Variants in PLEKHG2 observed in about 807,000 individuals in gnomAD.
PLEKHG2 encodes pleckstrin homology and RhoGEF domain containing G2.
PLEKHG2 carries 71 observed loss-of-function variants against 104.4 expected under a neutral mutation model. That is an observed-to-expected ratio of 0.68 (90% CI 0.56 to 0.83). PLEKHG2 has a LOEUF of 0.83. Among genes scored for constraint, PLEKHG2 ranks in the 40% least tolerant of loss-of-function variants. PLEKHG2 has a pLI of 0.00. For synonymous variants in PLEKHG2, 728 were observed against 737.0 expected (o/e 0.99, Z 0.20); for missense variants, 1,730 against 1,809.4 (o/e 0.96, Z 0.80).
rs1174653452 is a variant in PLEKHG2, at chr19:39,421,971, G to A, written c.1504-144G>A. ...GGCGGAGATTGCAGTGAGCAGAGAT[G>A]GCGCCATTGCACTGCAGGCTGGGCG... On this transcript the variant is annotated intron_variant, in intron 16 of 18. Transcript: ENST00000425673. 10 of 783,942 alleles carry A rather than the reference G, an allele frequency of 1.3e-5. No individual in the cohort carries two copies. The African/African-American group carries it at 1.3e-4, about 10-fold the overall frequency. 48.6% of individuals were successfully genotyped at this position (783,942 alleles called of 1,614,324 possible).
At position 39,418,748 on chromosome 19, in the gene PLEKHG2, C is replaced by T. The variant is rs1441756385; in HGVS notation, c.1098C>T (p.Ser366=). Reference sequence around the variant, plus strand: ...TTTCCTTCCAGTGCTGCAACCTGAGCGTGAGCGAGAGTCCCCGAGACCCTC... The same window carrying T: ...TTTCCTTCCAGTGCTGCAACCTGAGTGTGAGCGAGAGTCCCCGAGACCCTC... The part of the protein sequence containing the change: ...YKGHIFCCNL[S]VSESPRDPLG... The change falls in exon 10 of 19, where the codon AGC becomes AGT. Residue 366 remains serine (S), a synonymous_variant. Transcript: ENST00000425673. The T allele has an allele frequency of 1.1e-5, 18 of 1,612,580 alleles. No homozygotes were observed. The highest frequency in any genetic ancestry group is 3.3e-4 in the Middle Eastern group (2 of 6,080).
chr19:39,425,143 C>T lies in PLEKHG2; in HGVS notation c.4010C>T (p.Thr1337Met), dbSNP rs965020007. Reference sequence around the variant, plus strand: ...CCAGCCAGGCGGCTCAGCTATGCCACGACGGTTAACATCCACGTGGGCGGG... The same window carrying T: ...CCAGCCAGGCGGCTCAGCTATGCCATGACGGTTAACATCCACGTGGGCGGG... ...PPPARRLSYATTVNIHVGGGG... is the reference protein window; with the variant it reads ...PPPARRLSYAMTVNIHVGGGG... Residue 1337 changes from threonine to methionine, a missense_variant, in exon 19 of 19, where the codon ACG (threonine) becomes ATG (methionine). Transcript: ENST00000425673. The T allele has an allele frequency of 2.5e-6, 4 of 1,590,308 alleles. No homozygotes were observed. The highest frequency in any genetic ancestry group is 2.7e-5 in the African/African-American group (2 of 74,114).
At position 39,418,021 on chromosome 19, in the gene PLEKHG2, T is replaced by A; in HGVS notation, c.999T>A (p.Gly333=). The A allele has an allele frequency of 6.4e-7, 1 of 1,558,736 alleles. No individual in the cohort carries two copies. The highest frequency in any genetic ancestry group is 1.2e-5 in the South Asian group (1 of 83,242). ...GGGGGPRLRG[G]ERLLFLFSRM... ...GGGGTGGCCCCCGGCTACGAGGGGG[T>A]GAGCGGCTGCTCTTCCTGTTCTCTC... The change falls in exon 9 of 19, where the codon GGT becomes GGA. Residue 333 remains glycine, a synonymous_variant. Coordinates refer to ENST00000425673, the MANE Select transcript of PLEKHG2 (RefSeq NM_022835.3).
In PLEKHG2 at chr19:39,424,552, T is replaced by C; in HGVS notation, c.3419T>C (p.Val1140Ala). 3 of 1,613,998 alleles carry C rather than the reference T, an allele frequency of 1.9e-6. No homozygotes were observed. Among genetic ancestry groups the C allele is most frequent in the Non-Finnish European group, 2.5e-6 (3 of 1,179,966 alleles). ...TCCCAGGAGCTCCCAGACACTCAGG[T>C]TCCAGCTACCACACCTTTGCCCCTG... ...SLSQELPDTQVPATTPLPLPQ... is the reference protein window; with the variant it reads ...SLSQELPDTQAPATTPLPLPQ... Residue 1140 changes from valine (V) to alanine (A), a missense_variant, in exon 19 of 19, where the codon GTT becomes GCT. By Grantham distance (64) the Val-to-Ala change is moderately conservative. Transcript: ENST00000425673.
rs745320615 is a variant in PLEKHG2, at chr19:39,425,298, A to T, written c.*4A>T. ...TGATGCCCCCTTCCACATGTGAGCC[A>T]GGACATGAGGCTTCCCTGAAGCAAG... On this transcript the variant is annotated 3_prime_UTR_variant, in exon 19 of 19. Transcript: ENST00000425673. 6 of 1,598,166 alleles carry T rather than the reference A, an allele frequency of 3.8e-6. No individual in the cohort carries two copies. Among genetic ancestry groups the T allele is most frequent in the Non-Finnish European group, 5.1e-6 (6 of 1,175,664 alleles).
Position 39,421,068 on chromosome 19 carries a change from C to T in PLEKHG2, c.1448-7C>T. ...GGGCTCCTGACATCACTGTGTCCTC[C>T]CCGCAGAGCCGGTGAAGGACCCTTA... On this transcript the variant is annotated splice_polypyrimidine_tract_variant and splice_region_variant and intron_variant, in intron 14 of 18. Transcript: ENST00000425673. 1 of 1,614,038 alleles carries T rather than the reference C, an allele frequency of 6.2e-7. No homozygotes were observed. Among genetic ancestry groups the T allele is most frequent in the Non-Finnish European group, 8.5e-7 (1 of 1,180,018 alleles).
chr19:39,418,890 CCT>C (rs756939677), intron 10 of PLEKHG2, 25 bp from the exon 11 acceptor site: 1 of 1,601,770 alleles, frequency 6.2e-7, no homozygotes, highest in Non-Finnish European at 8.5e-7. Context: ...CACCTGGCCC[CCT>C]GACTCTACTC....
In PLEKHG2 at chr19:39,425,432, G is replaced by A. The variant is rs575160293; in HGVS notation, c.*138G>A. On this transcript the variant is annotated 3_prime_UTR_variant, in exon 19 of 19. Coordinates refer to ENST00000425673, the MANE Select transcript of PLEKHG2 (RefSeq NM_022835.3). ...TCCAACTCCTGGTATCTGCATCGGC[G>A]AATGGCCCTTCTTGCCTTGATCCAC... 68 of 1,356,298 alleles carry A rather than the reference G, an allele frequency of 5.0e-5. No homozygotes were observed. Among genetic ancestry groups the A allele is most frequent in the Admixed American group, 2.4e-4 (8 of 32,758 alleles). 84.0% of individuals were successfully genotyped at this position (1,356,298 alleles called of 1,614,324 possible).
At chr19:39,420,203 C>T (rs1353891811) in intron 11 of PLEKHG2, among the ~76,000 whole-genome samples, 2 of 151,908 alleles carry the variant, frequency 1.3e-5, no homozygotes, top group East Asian at 1.9e-4. Flanking sequence ...CTACTAAAAA[C>T]ACAAAAATTA....
Position 39,415,429 on chromosome 19 carries a change from G to T in PLEKHG2, c.469G>T (p.Glu157Ter). Reference protein sequence around the residue: ...TLFANIEDIYEFSSELLEDLE... With the variant: ...TLFANIEDIY ...GTTTGCCAACATTGAGGACATCTAC[G>T]AGTTCAGCAGGTCAGGGGCAGGGGG... The change falls in exon 4 of 19, where the codon GAG becomes TAG. Residue 157 changes from glutamate to a stop codon, truncating the protein, a stop_gained. Transcript: ENST00000425673. LOFTEE classifies it high-confidence loss of function. The surrounding 1 kb of genome is among the most constrained non-coding windows in gnomAD (Gnocchi z 4.6). 1 of 1,614,054 alleles carries T rather than the reference G, an allele frequency of 6.2e-7. No individual in the cohort carries two copies. The highest frequency in any genetic ancestry group is 8.5e-7 in the Non-Finnish European group (1 of 1,179,998).
Position 39,417,520 on chromosome 19 carries a change from T to C in PLEKHG2, c.745-35T>C, listed in dbSNP as rs1263522952. 18 of 1,606,484 alleles carry C rather than the reference T, an allele frequency of 1.1e-5. No homozygotes were observed. In the East Asian group the frequency reaches 4.0e-4, roughly 36 times the overall value. On this transcript the variant is annotated intron_variant, in intron 7 of 18. Transcript: ENST00000425673. ...TTCTCTTTCTCCTTCTCTGTTTCTC[T>C]CCCCATCCCTGCGTGCCTGGTGGCT...
Position 39,423,500 on chromosome 19 carries a change from C to G in PLEKHG2, c.2446C>G (p.Arg816Gly), listed in dbSNP as rs2078733001. The change falls in exon 18 of 19, where the codon CGA (arginine) becomes GGA (glycine). Residue 816 changes from arginine to glycine, a missense_variant. Transcript: ENST00000425673. Reference sequence around the variant, plus strand: ...CCCGAGTTCAGAAAGGACGGCGTCCCGAGTGCGAGAGCTGGCCCGGCTTTA... The same window carrying G: ...CCCGAGTTCAGAAAGGACGGCGTCCGGAGTGCGAGAGCTGGCCCGGCTTTA... ...GAPSSERTAS[R>G]VRELARLYSE... 18 of 1,582,776 alleles carry G rather than the reference C, an allele frequency of 1.1e-5. No homozygotes were observed. The highest frequency in any genetic ancestry group is 1.5e-5 in the Non-Finnish European group (18 of 1,162,724).
rs369043027 is a variant in PLEKHG2 at position 39,414,353 on chromosome 19, G to A, written c.109+158G>A. The A allele has an allele frequency of 1.2e-3, 777 of 674,718 alleles. 13 individuals carry two copies. The South Asian group carries it at 0.013, about 12-fold the overall frequency. 41.8% of individuals were successfully genotyped at this position (674,718 alleles called of 1,614,324 possible). On this transcript the variant is annotated intron_variant, in intron 2 of 18. Coordinates refer to ENST00000425673, the MANE Select transcript of PLEKHG2 (RefSeq NM_022835.3). Reference sequence around the variant, plus strand: ...TCCCCAGGCAATGACAGGCCAGAGGGGGCAGCGCTGGGCAGAGTGGTCAGG... The same window carrying A: ...TCCCCAGGCAATGACAGGCCAGAGGAGGCAGCGCTGGGCAGAGTGGTCAGG...
chr19:39,423,149 C>G lies in PLEKHG2; in HGVS notation c.2095C>G (p.Leu699Val). The change falls in exon 18 of 19, where the codon CTG (leucine) becomes GTG (valine). Residue 699 changes from leucine to valine, a missense_variant. Transcript: ENST00000425673. ...CTGTGACTCCTGGCTCCAAGGGCCT[C>G]TGCAGGAACCAGCTGAGGCTCCAGC... is the stretch of plus-strand genomic sequence containing the variant. ...LSCDSWLQGP[L>V]QEPAEAPATR... 6.2e-7 allele frequency: 1 copy of G among 1,613,648 alleles called. No homozygotes were observed. The highest frequency in any genetic ancestry group is 1.1e-5 in the South Asian group (1 of 91,064).
At position 39,412,758 on chromosome 19, in the gene PLEKHG2, T is replaced by C. The variant is rs2078540651; in HGVS notation, c.-677T>C. Reference sequence around the variant, plus strand: ...AGGCTCGGACCCGGGCGTCCGGAATTTCTGCACCGCATCCTGAGAGACCCC... The same window carrying C: ...AGGCTCGGACCCGGGCGTCCGGAATCTCTGCACCGCATCCTGAGAGACCCC... On this transcript the variant is annotated 5_prime_UTR_variant, in exon 1 of 19. Coordinates refer to ENST00000425673, the MANE Select transcript of PLEKHG2 (RefSeq NM_022835.3). The C allele has an allele frequency of 6.6e-6, 1 of 152,014 alleles. No homozygotes were observed. The highest frequency in any genetic ancestry group is 2.4e-5 in the African/African-American group (1 of 41,382). 9.4% of individuals were successfully genotyped at this position (152,014 alleles called of 1,614,324 possible).
At chr19:39,417,113 T>C in intron 7 of PLEKHG2, 113 bp downstream of exon 7, 1 of 1,291,344 alleles carries the variant, frequency 7.7e-7, no homozygotes, top group African/African-American at 1.5e-5. Flanking sequence ...CCTCCCAAAG[T>C]GCTGGGATTA....
In PLEKHG2 at chr19:39,423,044, G is replaced by A. The variant is rs751279742; in HGVS notation, c.1990G>A (p.Asp664Asn). The change falls in exon 18 of 19, where the codon GAT becomes AAT. Residue 664 changes from aspartate to asparagine, a missense_variant. Physicochemically the swap from Asp to Asn is conservative, Grantham distance 23. Coordinates refer to ENST00000425673, the MANE Select transcript of PLEKHG2 (RefSeq NM_022835.3). ...SRLPSLSDIS[D>N]VFEMPCLPAI... ...CCTTCCTAGTCTCTCTGACATTTCC[G>A]ATGTTTTTGAGATGCCCTGCCTTCC... 1.5e-5 allele frequency: 24 copies of A among 1,614,014 alleles called. No homozygotes were observed. Among genetic ancestry groups the A allele is most frequent in the Admixed American group, 1.3e-4 (8 of 59,998 alleles).
chr19:39,424,428 T>C lies in PLEKHG2; in HGVS notation c.3295T>C (p.Cys1099Arg), dbSNP rs1480521420. The change falls in exon 19 of 19, where the codon TGT becomes CGT. Residue 1099 changes from cysteine to arginine, a missense_variant. Cys to Arg is a radical substitution (Grantham distance 180). Transcript: ENST00000425673. Reference sequence around the variant, plus strand: ...AGGCGACACCCTACCACCCTTGCCATGTCACCTCCCAGACCTTCAGATTCC... The same window carrying C: ...AGGCGACACCCTACCACCCTTGCCACGTCACCTCCCAGACCTTCAGATTCC... ...GPGDTLPPLPCHLPDLQIPGT... is the reference protein window; with the variant it reads ...GPGDTLPPLPRHLPDLQIPGT... The C allele has an allele frequency of 1.2e-6, 2 of 1,613,922 alleles. No homozygotes were observed. Among genetic ancestry groups the C allele is most frequent in the Admixed American group, 3.3e-5 (2 of 59,984 alleles).
Position 39,426,432 on chromosome 19 carries a change from C to G in PLEKHG2, c.*1138C>G, listed in dbSNP as rs930413969. 6.6e-6 allele frequency: 1 copy of G among 152,238 alleles called. No homozygotes were observed. The highest frequency in any genetic ancestry group is 1.5e-5 in the Non-Finnish European group (1 of 68,054). The allele number at this position is 152,238 out of a possible 1,614,324, so 9.4% of individuals were successfully genotyped here. On this transcript the variant is annotated 3_prime_UTR_variant, in exon 19 of 19. Transcript: ENST00000425673. The stretch of plus-strand genomic sequence containing the variant: ...CTTTTATGTTAGGTTCTGTCTGCCC[C>G]CTTGTTCCAGCAGTGGTATGCCCAG...
Sources: allele counts gnomAD v4.1 joint callset (sites outside exome capture counted in the v4.1 genomes callset), GRCh38; gene constraint gnomAD v4.1.1; non-coding constraint Gnocchi (gnomAD v3.1); transcripts MANE v1.5; gene names NCBI Gene and HGNC (gene_info 2026-07-23, HGNC 2026-07-21).